Variants in SPEF2 observed in about 807,000 individuals in gnomAD.
SPEF2 encodes sperm flagellar and cilia associated 2.
In SPEF2, 187 loss-of-function variants were observed where a neutral mutation model predicts 224.6. That is an observed-to-expected ratio of 0.83 (90% CI 0.74 to 0.94). The LOEUF (loss-of-function observed/expected upper bound fraction) is 0.94. SPEF2 is among the 40% of genes least tolerant of loss of function. SPEF2 has a pLI of 0.00. For missense variants in SPEF2, 2,170 were observed against 2,135.6 expected, an observed-to-expected ratio of 1.02 and a Z score of -0.32; for synonymous variants, 715 against 707.3, an observed-to-expected ratio of 1.01 and a Z score of -0.17.
At chr5:35,753,844 A>G in intron 24 of SPEF2, 83 bp downstream of exon 24, 1 of 1,552,650 alleles carries the variant, frequency 6.4e-7, no homozygotes, top group Non-Finnish European at 8.8e-7. Flanking sequence ...TTTCTTGGGA[A>G]TATGAGAGGT....
chr5:35,739,836 T>A, intron 21 of SPEF2, 83 bp from the exon 22 acceptor site: 1 of 1,521,186 alleles, frequency 6.6e-7, no homozygotes, highest in East Asian at 2.3e-5. Flanking sequence ...TTGACCTTTT[T>A]GCTTGGGACT....
At chr5:35,645,839 T>C (rs1012559501) in intron 4 of SPEF2, among the ~76,000 whole-genome samples, 3 of 152,152 alleles carry the variant, frequency 2.0e-5, no homozygotes, top group African/African-American at 4.8e-5. Flanking sequence ...GATAAACATA[T>C]TGCAATTAAA....
At position 35,807,798 on chromosome 5, in the gene SPEF2, A is replaced by G. The variant is rs1413397025; in HGVS notation, c.5379+545A>G. 4 of 1,535,256 alleles carry G rather than the reference A, an allele frequency of 2.6e-6. No individual in the cohort carries two copies. In the African/African-American group the frequency reaches 5.5e-5, roughly 21 times the overall value. On this transcript the variant is annotated intron_variant, in intron 36 of 36. Coordinates refer to ENST00000356031, the MANE Select transcript of SPEF2 (RefSeq NM_024867.4). ...GGAAGAACTGCAACTCAGAAATCACATAACCACCAAGCAGGTCTGGACCAC... is the reference window on the plus strand; with the variant it reads ...GGAAGAACTGCAACTCAGAAATCACGTAACCACCAAGCAGGTCTGGACCAC...
At chr5:35,708,586 A>AACTATCACCACCACCATCACTG (rs1740334523) in intron 18 of SPEF2, among the ~76,000 whole-genome samples, 1 of 151,578 alleles carries the variant, frequency 6.6e-6, no homozygotes, top group Non-Finnish European at 1.5e-5. Flanking sequence ...CACCATCACT[A>AACTATCACCACCACCATCACTG]CCACCATCCC....
intron 24 of SPEF2, among the ~76,000 whole-genome samples, chr5:35,758,438 A>G (rs7735585): frequency 0.02 from 2,977 of 152,246 alleles, 121 homozygotes; most frequent in African/African-American, 0.069. Context: ...CATATTCTAC[A>G]TTTGTGTTGT....
At chr5:35,792,043 A>C (rs1756035827) in intron 30 of SPEF2, among the ~76,000 whole-genome samples, 1 of 152,110 alleles carries the variant, frequency 6.6e-6, no homozygotes, top group African/African-American at 2.4e-5. Context: ...ATTCTGAGTG[A>C]AAAGTCAAAG....
intron 17 of SPEF2, 100 bp from the exon 18 acceptor site, chr5:35,705,551 C>A: frequency 3.9e-6 from 3 of 768,570 alleles, no homozygotes; most frequent in Non-Finnish European, 6.0e-6. Context: ...ATTATATTGG[C>A]AGCCTGTCTT....
intron 8 of SPEF2, among the ~76,000 whole-genome samples, chr5:35,662,311 T>A (rs1749859032): frequency 6.6e-6 from 1 of 152,346 alleles, no homozygotes; most frequent in East Asian, 1.9e-4. Context: ...GAGTTTCTTA[T>A]AGATGTTGGA....
At chr5:35,672,827 G>A (rs749100993) in intron 10 of SPEF2, among the ~76,000 whole-genome samples, 2 of 152,084 alleles carry the variant, frequency 1.3e-5, no homozygotes, top group Admixed American at 1.3e-4. Flanking sequence ...ACAGTTCCCA[G>A]TTTTGAGTTT....
intron 16 of SPEF2, 126 bp downstream of exon 16, chr5:35,700,878 T>A: frequency 9.0e-7 from 1 of 1,106,754 alleles, no homozygotes; most frequent in African/African-American, 1.6e-5. Context: ...ATCAAATAAT[T>A]ATCTAGTTGA....
intron 26 of SPEF2, among the ~76,000 whole-genome samples, chr5:35,770,423 G>C (rs566221037): frequency 6.6e-6 from 1 of 151,810 alleles, no homozygotes; most frequent in African/African-American, 2.4e-5. Flanking sequence ...CTATAGTCAC[G>C]GTGCTGGGCA....
intron 6 of SPEF2, 151 bp downstream of exon 6, chr5:35,649,576 T>C (rs1039253950): frequency 1.9e-6 from 1 of 529,844 alleles, no homozygotes. Flanking sequence ...GGAAGATAAA[T>C]GAGCTAAAGT....
chr5:35,754,790 A>G (rs1561311684), intron 24 of SPEF2, among the ~76,000 whole-genome samples: 1 of 152,228 alleles, frequency 6.6e-6, no homozygotes, highest in Non-Finnish European at 1.5e-5. Context: ...CTAAAATAAC[A>G]GGAATGAAGA....
intron 2 of SPEF2, among the ~76,000 whole-genome samples, chr5:35,640,927 G>A (rs1746548990): frequency 6.6e-6 from 1 of 152,058 alleles, no homozygotes; most frequent in Admixed American, 6.6e-5. Flanking sequence ...TGGAAGATGG[G>A]TGCTTTTAGG....
rs144669812 is a variant in SPEF2 at position 35,636,617 on chromosome 5, A to G, written c.162-4814A>G. On this transcript the variant is annotated intron_variant, in intron 2 of 36. Coordinates refer to ENST00000356031, the MANE Select transcript of SPEF2 (RefSeq NM_024867.4). ...GGACTTTTTTCAGTGAGTAAGCTCT[A>G]TCAGGTCAAATAATGACAAGGCCTG... 1.9e-3 allele frequency among the ~76,000 whole-genome samples: 286 copies of G among 152,268 alleles called. 3 individuals carry two copies. The highest frequency in any genetic ancestry group is 6.5e-3 in the African/African-American group (269 of 41,564).
At chr5:35,738,977 C>T (rs10037564) in intron 21 of SPEF2, among the ~76,000 whole-genome samples, 91,421 of 151,818 alleles carry the variant, frequency 0.6, 28,382 homozygotes, top group Middle Eastern at 0.71. Flanking sequence ...GTTCTTGTTT[C>T]AATTTTTGCA....
At chr5:35,710,778 T>C (rs576676343) in intron 19 of SPEF2, 1 of 985,302 alleles carries the variant, frequency 1.0e-6, no homozygotes, top group Admixed American at 6.1e-5. Flanking sequence ...TTTCTGAAGT[T>C]TGTTTGCTAT....
At position 35,733,935 on chromosome 5, in the gene SPEF2, T is replaced by G. The variant is rs566774019; in HGVS notation, c.3064-5984T>G. 2.0e-5 allele frequency among the ~76,000 whole-genome samples: 3 copies of G among 152,314 alleles called. No homozygotes were observed. The South Asian group carries it at 6.2e-4, about 32-fold the overall frequency. On this transcript the variant is annotated intron_variant, in intron 21 of 36. Transcript: ENST00000356031. The stretch of plus-strand genomic sequence containing the variant: ...AGTAAGAGTAATAGAAACATATCTT[T>G]TAAGTTGTTGTAGGACTTTAATGAG...
intron 10 of SPEF2, chr5:35,670,608 C>CT (rs985972562): frequency 1.7e-5 from 17 of 986,182 alleles, no homozygotes; most frequent in Non-Finnish European, 2.0e-5. Flanking sequence ...AAATAATAGA[C>CT]TTTTTTTACA....
Sources: allele counts gnomAD v4.1 joint callset (sites outside exome capture counted in the v4.1 genomes callset), GRCh38; gene constraint gnomAD v4.1.1; transcripts MANE v1.5; gene names NCBI Gene and HGNC (gene_info 2026-07-23, HGNC 2026-07-21).